EML5: variants seen among roughly 807,000 people sequenced by gnomAD.
EML5 encodes the protein EMAP like 5.
EML5 carries 120 observed loss-of-function variants against 250.0 expected under a neutral mutation model. That is an observed-to-expected ratio of 0.48 (90% CI 0.41 to 0.56). The LOEUF (loss-of-function observed/expected upper bound fraction) is 0.56. EML5 is among the 20% of genes least tolerant of loss of function. EML5 has a pLI of 0.00. For missense variants in EML5, 2,006 were observed against 2,437.6 expected (o/e 0.82, Z 3.73); for synonymous variants, 771 against 806.5 (o/e 0.96, Z 0.75).
Position 88,665,503 on chromosome 14 carries a change from A to G in EML5, c.3125-14T>C, listed in dbSNP as rs2092279359. ...AACACCTCCCACCTGAAAGAGAAAG[A>G]GCATATTAGGCAATTTTCCCTTTTT... is the stretch of plus-strand genomic sequence containing the variant. On this transcript the variant is annotated splice_polypyrimidine_tract_variant and intron_variant, in intron 21 of 43. Coordinates refer to ENST00000554922, the MANE Select transcript of EML5 (RefSeq NM_183387.3). The G allele has an allele frequency of 3.7e-6, 6 of 1,613,294 alleles. No homozygotes were observed. The highest frequency in any genetic ancestry group is 5.1e-6 in the Non-Finnish European group (6 of 1,179,698).
At chr14:88,687,065 T>C (rs907090349) in intron 19 of EML5, 151 bp downstream of exon 19, 10 of 604,612 alleles carry the variant, frequency 1.7e-5, no homozygotes, top group Non-Finnish European at 2.6e-5. Context: ...GCAATGATTC[T>C]GGTATCCAGT....
chr14:88,731,782 C>A (rs2140147804), intron 7 of EML5, among the ~76,000 whole-genome samples: 1 of 152,224 alleles, frequency 6.6e-6, no homozygotes, highest in East Asian at 1.9e-4. Flanking sequence ...GAGATGGTAC[C>A]TCATTGTGGT....
rs544491467 is a variant in EML5 at position 88,785,517 on chromosome 14, C to T, written c.197+6790G>A. Among the ~76,000 whole-genome samples the T allele has an allele frequency of 6.6e-5, 10 of 152,252 alleles. No individual in the cohort carries two copies. In the South Asian group the frequency reaches 1.9e-3, roughly 28 times the overall value. On this transcript the variant is annotated intron_variant, in intron 1 of 43. Coordinates refer to ENST00000554922, the MANE Select transcript of EML5 (RefSeq NM_183387.3). ...AGTAAAATAAAACAGAGCTGTTGAT[C>T]TTTCCTTCTGTCCAAAATATAAAAC...
rs557807337 is a variant in EML5 at position 88,678,313 on chromosome 14, G to C, written c.3124+3577C>G. On this transcript the variant is annotated intron_variant, in intron 21 of 43. Transcript: ENST00000554922. ...GGACAGGGAGGAGGGAGAGCATTGGGATAAATAGCTAATTCACATGGAGCT... is the reference window on the plus strand; with the variant it reads ...GGACAGGGAGGAGGGAGAGCATTGGCATAAATAGCTAATTCACATGGAGCT... 2.4e-4 allele frequency among the ~76,000 whole-genome samples: 36 copies of C among 152,202 alleles called. 1 individual carries two copies. In the South Asian group the frequency reaches 6.8e-3, roughly 29 times the overall value.
intron 21 of EML5, among the ~76,000 whole-genome samples, chr14:88,669,859 C>A (rs2092410329): frequency 1.3e-5 from 2 of 152,160 alleles, no homozygotes; most frequent in African/African-American, 2.4e-5. Flanking sequence ...AGTTCAGTGA[C>A]CCTCTGGGAC....
chr14:88,727,702 C>T (rs2093688544), intron 7 of EML5, among the ~76,000 whole-genome samples: 1 of 152,132 alleles, frequency 6.6e-6, no homozygotes, highest in South Asian at 2.1e-4. Context: ...CCAGCCAATA[C>T]AATGCATTTT....
At chr14:88,717,685 G>T (rs757783990) in intron 8 of EML5, among the ~76,000 whole-genome samples, 11 of 152,172 alleles carry the variant, frequency 7.2e-5, no homozygotes, top group Non-Finnish European at 1.3e-4. Flanking sequence ...AACTCGGGAG[G>T]CAGAGGTTGC....
At chr14:88,744,452 C>T (rs945453119) in intron 3 of EML5, among the ~76,000 whole-genome samples, 2 of 151,882 alleles carry the variant, frequency 1.3e-5, no homozygotes, top group African/African-American at 4.8e-5. Flanking sequence ...CAGAATGGAA[C>T]GTGACACTTA....
intron 1 of EML5, among the ~76,000 whole-genome samples, chr14:88,771,451 C>T (rs2094392517): frequency 6.6e-6 from 1 of 152,200 alleles, no homozygotes; most frequent in African/African-American, 2.4e-5. Flanking sequence ...ACTCCTAGAA[C>T]TATGCTTTCT....
At chr14:88,702,384 AT>A in intron 14 of EML5, 61 bp downstream of exon 14, 1 of 1,305,722 alleles carries the variant, frequency 7.7e-7, no homozygotes, top group Non-Finnish European at 1.0e-6. Flanking sequence ...TATGTGATTA[AT>A]TTATTTAAAC....
At chr14:88,754,459 C>T in intron 2 of EML5, 53 bp downstream of exon 2, 1 of 1,421,744 alleles carries the variant, frequency 7.0e-7, no homozygotes, top group Non-Finnish European at 9.4e-7. Flanking sequence ...TAATCATTTT[C>T]TATAATATAC....
chr14:88,713,813 T>C (rs944209198), intron 9 of EML5, among the ~76,000 whole-genome samples: 6 of 150,198 alleles, frequency 4.0e-5, no homozygotes, highest in African/African-American at 1.2e-4. Context: ...TAGTTAGTTA[T>C]ATTATTAATA....
chr14:88,695,602 C>T lies in EML5; in HGVS notation c.2345-148G>A, dbSNP rs1471696247. On this transcript the variant is annotated intron_variant, in intron 15 of 43. Coordinates refer to ENST00000554922, the MANE Select transcript of EML5 (RefSeq NM_183387.3). ...GCATGCATACACCTATAAAAAGAAC[C>T]AGAATTTATAAGGGAGGGAGAATAA... 34 of 734,548 alleles carry T rather than the reference C, an allele frequency of 4.6e-5. No homozygotes were observed. The Middle Eastern group carries it at 8.6e-4, about 19-fold the overall frequency. The allele number at this position is 734,548 out of a possible 1,614,324, so 45.5% of individuals were successfully genotyped here.
intron 10 of EML5, among the ~76,000 whole-genome samples, chr14:88,706,764 T>A (rs377378341): frequency 6.6e-6 from 1 of 152,184 alleles, no homozygotes; most frequent in East Asian, 1.9e-4. Flanking sequence ...AACTAGACCT[T>A]ACCCCCATTA....
rs371266336 is a variant in EML5, at chr14:88,618,323, A to G, written c.5547T>C (p.Ser1849=). Residue 1849 remains serine, a synonymous_variant, in exon 41 of 44, where the codon AGT becomes AGC. Coordinates refer to ENST00000554922, the MANE Select transcript of EML5 (RefSeq NM_183387.3). The part of the protein sequence containing the change: ...SADSSYLQVS[S]GCYKRHVYEV... ...CATAGACATGCCGTTTATAGCAGCC[A>G]CTAGAGACCTTTTTCATCAGATTAA... 6.2e-7 allele frequency: 1 copy of G among 1,613,526 alleles called. No individual in the cohort carries two copies. Among genetic ancestry groups the G allele is most frequent in the Non-Finnish European group, 8.5e-7 (1 of 1,179,754 alleles).
At chr14:88,706,790 G>A (rs1218422207) in intron 10 of EML5, among the ~76,000 whole-genome samples, 1 of 152,152 alleles carries the variant, frequency 6.6e-6, no homozygotes, top group East Asian at 1.9e-4. Flanking sequence ...AACCCAAGCA[G>A]CCAGAGGATC....
At chr14:88,731,153 T>C (rs2093750682) in intron 7 of EML5, among the ~76,000 whole-genome samples, 1 of 152,084 alleles carries the variant, frequency 6.6e-6, no homozygotes. Flanking sequence ...ATGCGCCATG[T>C]TGGTGTGCTG....
At chr14:88,768,696 G>A (rs940812494) in intron 1 of EML5, among the ~76,000 whole-genome samples, 10 of 152,180 alleles carry the variant, frequency 6.6e-5, no homozygotes, top group Non-Finnish European at 1.3e-4. Flanking sequence ...ACAGGCGTGA[G>A]ACATCGCACC....
chr14:88,756,870 A>G (rs76972202), intron 1 of EML5, among the ~76,000 whole-genome samples: 2,737 of 152,286 alleles, frequency 0.018, 81 homozygotes, highest in African/African-American at 0.061. Context: ...CTGGGCTTAG[A>G]GGAATGTAAT....
Sources: gnomAD v4.1 joint callset for allele counts (sites outside exome capture counted in the v4.1 genomes callset) on GRCh38, gnomAD v4.1.1 for gene constraint, MANE v1.5 for transcripts, NCBI Gene and HGNC (gene_info 2026-07-23, HGNC 2026-07-21) for gene names.